Variants in LRP5 observed in about 807,000 individuals in gnomAD.
LRP5 encodes the protein LDL receptor related protein 5, also known as low-density lipoprotein receptor-related protein 5.
Under a neutral mutation model 154.1 loss-of-function variants are expected in LRP5, and 62 were observed. The ratio of observed to expected loss-of-function variants is 0.40; its 90% confidence interval spans 0.33 to 0.50. The LOEUF is 0.50. LRP5 is among the 20% of genes least tolerant of loss of function. The pLI, the probability that LRP5 is intolerant of heterozygous loss-of-function variation, is 0.55. For synonymous variants in LRP5, 966 were observed against 1,011.5 expected (o/e 0.96, Z 0.85); for missense variants, 1,915 against 2,336.7 (o/e 0.82, Z 3.72).
At chr11:68,312,425 G>A (rs1195837952), upstream of LRP5, among the ~76,000 whole-genome samples, 1 of 150,110 alleles carries the variant, frequency 6.7e-6, no homozygotes, top group Non-Finnish European at 1.5e-5. Flanking sequence ...CGGGGAGCGC[G>A]GGGAGGGGCC....
intron 15 of LRP5, among the ~76,000 whole-genome samples, chr11:68,425,525 C>G (rs1185523307): frequency 6.6e-6 from 1 of 152,226 alleles, no homozygotes; most frequent in Non-Finnish European, 1.5e-5. Flanking sequence ...CTTGGGGCCC[C>G]ACAGCAGGAG....
chr11:68,437,448 A>G (rs1163932610), intron 19 of LRP5, among the ~76,000 whole-genome samples: 4 of 152,250 alleles, frequency 2.6e-5, no homozygotes, highest in Non-Finnish European at 4.4e-5. Context: ...CATGACCTGT[A>G]CAGTCACGGA....
At chr11:68,444,770 G>A (rs2098680534) in intron 21 of LRP5, among the ~76,000 whole-genome samples, 2 of 152,100 alleles carry the variant, frequency 1.3e-5, no homozygotes, top group Non-Finnish European at 2.9e-5. Context: ...CATGGGAAGA[G>A]GTGGAAACAG....
Position 68,415,682 on chromosome 11 carries a change from T to C in LRP5, c.2828-646T>C, listed in dbSNP as rs1399974927. Among the ~76,000 whole-genome samples the C allele has an allele frequency of 2.6e-3, 180 of 69,254 alleles. 3 individuals are homozygous for C. Among genetic ancestry groups the C allele is most frequent in the Middle Eastern group, 0.013 (2 of 150 alleles). The allele number at this position is 69,254 out of a possible 152,430, so 45.4% of individuals were successfully genotyped here. A position where few individuals can be genotyped will look rare whatever the true frequency, so the allele number is the denominator to read the frequency against. The stretch of plus-strand genomic sequence containing the variant: ...ATCGCTTGAACTTGGGAGGTGGAAG[T>C]TTCAAGTGAGCTCATTTTGTGCCAC... On this transcript the variant is annotated intron_variant, in intron 12 of 22. Transcript: ENST00000294304.
Position 68,425,296 on chromosome 11 carries a change from C to T in LRP5, c.3427+4C>T, listed in dbSNP as rs545988124. On this transcript the variant is annotated splice_donor_region_variant and intron_variant, in intron 15 of 22. Transcript: ENST00000294304. ...ATTGAGAGCTGTGACCTGTCAGGTA[C>T]GCGCCCCGGGGCCTGCCCTAACCGC... is the stretch of plus-strand genomic sequence containing the variant. The T allele has an allele frequency of 3.7e-6, 6 of 1,603,426 alleles. No individual in the cohort carries two copies. Among genetic ancestry groups the T allele is most frequent in the African/African-American group, 1.3e-5 (1 of 74,978 alleles).
intron 21 of LRP5, among the ~76,000 whole-genome samples, chr11:68,443,572 TATATA>T (rs1257411754): frequency 5.0e-4 from 22 of 44,348 alleles, no homozygotes; most frequent in African/African-American, 1.9e-3. Flanking sequence ...TATATATATA[TATATA>T]TATATATATT....
At chr11:68,404,899 A>G (rs2098654658) in intron 8 of LRP5, among the ~76,000 whole-genome samples, 1 of 150,390 alleles carries the variant, frequency 6.6e-6, no homozygotes, top group South Asian at 2.1e-4. Context: ...GAACCCGGGA[A>G]GCGGAGCTTG....
chr11:68,423,490 C>T lies in LRP5; in HGVS notation c.3029C>T (p.Pro1010Leu). ...AGTCTTGGTTTCTTTGTCTTACAGC[C>T]CTTTGTTTTGACCTCTCTGAGCCAA... ...IKRAKDDGTQ[P>L]FVLTSLSQGQ... The change falls in exon 14 of 23, where the codon CCC (proline) becomes CTC (leucine). Residue 1010 changes from proline (P) to leucine (L), a missense_variant and splice_region_variant. Physicochemically the swap from Pro to Leu is moderately conservative, Grantham distance 98. This residue lies in a region of LRP5 where 1,094 missense variants were observed against 1,210.1 expected (regional missense o/e 0.90). Coordinates refer to ENST00000294304, the MANE Select transcript of LRP5 (RefSeq NM_002335.4). The surrounding 1 kb of genome is among the most constrained non-coding windows in gnomAD (Gnocchi z 4.7). 1 of 1,614,018 alleles carries T rather than the reference C, an allele frequency of 6.2e-7. No homozygotes were observed. The highest frequency in any genetic ancestry group is 2.2e-5 in the East Asian group (1 of 44,880).
chr11:68,333,100 A>G (rs1311748725), intron 1 of LRP5, among the ~76,000 whole-genome samples: 1 of 152,204 alleles, frequency 6.6e-6, no homozygotes, highest in African/African-American at 2.4e-5. Flanking sequence ...AATTGCGGTC[A>G]TCGTAGCTGC....
At position 68,444,466 on chromosome 11, in the gene LRP5, G is replaced by A. The variant is rs561301879; in HGVS notation, c.4489-1970G>A. 5.3e-5 allele frequency among the ~76,000 whole-genome samples: 8 copies of A among 152,132 alleles called. No individual in the cohort carries two copies. In the South Asian group the frequency reaches 1.2e-3, roughly 24 times the overall value. The stretch of plus-strand genomic sequence containing the variant: ...TGGGAGGCAGAGGTTGTAGTGAGCC[G>A]AGATCATGCCATTGTACTCCAGCCT... On this transcript the variant is annotated intron_variant, in intron 21 of 22. Transcript: ENST00000294304.
At chr11:68,419,357 C>T (rs2153170851) in intron 13 of LRP5, among the ~76,000 whole-genome samples, 1 of 149,422 alleles carries the variant, frequency 6.7e-6, no homozygotes. Context: ...CTCAGCCTCT[C>T]TAGTAGCCGG....
At chr11:68,409,475 T>G (rs1316073195) in intron 9 of LRP5, among the ~76,000 whole-genome samples, 3 of 151,612 alleles carry the variant, frequency 2.0e-5, no homozygotes, top group Non-Finnish European at 4.4e-5. Flanking sequence ...TTTAAAAACT[T>G]GAATGCTGGT....
chr11:68,410,147 G>A lies in LRP5; in HGVS notation c.2318+7G>A, dbSNP rs764057651. 20 of 1,611,822 alleles carry A rather than the reference G, an allele frequency of 1.2e-5. No homozygotes were observed. Among genetic ancestry groups the A allele is most frequent in the South Asian group, 6.6e-5 (6 of 91,010 alleles). On this transcript the variant is annotated splice_region_variant and intron_variant, in intron 10 of 22. Transcript: ENST00000294304. ...CCCTGGATCCCACCAAGGGGTAAGT[G>A]TTTGCCTGTCCCGTGCGTCCTTGTG... is the stretch of plus-strand genomic sequence containing the variant.
chr11:68,367,628 C>T (rs928001559), intron 5 of LRP5, among the ~76,000 whole-genome samples: 3 of 152,164 alleles, frequency 2.0e-5, no homozygotes, highest in Admixed American at 6.5e-5. Context: ...CTGGACCCTG[C>T]GCTCTGCAGT....
At chr11:68,313,390 G>A (rs193251225) in intron 1 of LRP5, among the ~76,000 whole-genome samples, 2 of 152,170 alleles carry the variant, frequency 1.3e-5, no homozygotes, top group South Asian at 4.1e-4. Flanking sequence ...CGAATGCCCC[G>A]TGTGGCCGCC....
At chr11:68,377,431 A>G (rs1422349359) in intron 5 of LRP5, among the ~76,000 whole-genome samples, 2 of 152,120 alleles carry the variant, frequency 1.3e-5, no homozygotes, top group Non-Finnish European at 2.9e-5. Flanking sequence ...CGTGCAGGTG[A>G]CAGTGGCCGG....
At chr11:68,433,500 C>T (rs573492263) in intron 17 of LRP5, 102 bp from the exon 18 acceptor site, 128 of 1,042,268 alleles carry the variant, frequency 1.2e-4, no homozygotes, top group East Asian at 1.1e-3. Context: ...GCCAAACCCG[C>T]GCTGAGTCCC....
rs766214195 is a variant in LRP5 at position 68,426,039 on chromosome 11, T to C, written c.3489T>C (p.Leu1163=). 7 of 1,613,562 alleles carry C rather than the reference T, an allele frequency of 4.3e-6. No homozygotes were observed. The South Asian group carries it at 5.5e-5, about 13-fold the overall frequency. Residue 1163 remains leucine (L), a synonymous_variant, in exon 16 of 23, where the codon CTT becomes CTC. Coordinates refer to ENST00000294304, the MANE Select transcript of LRP5 (RefSeq NM_002335.4). ...TGCAGCCTCTGGGCCTGACCATCCT[T>C]GGCAAGCATCTCTACTGGATCGACC... is the stretch of plus-strand genomic sequence containing the variant. The part of the protein sequence containing the change: ...NIVQPLGLTI[L]GKHLYWIDRQ...
intron 1 of LRP5, among the ~76,000 whole-genome samples, chr11:68,330,398 C>T (rs1211225695): frequency 3.9e-5 from 6 of 152,260 alleles, no homozygotes; most frequent in Non-Finnish European, 8.8e-5. Flanking sequence ...CAGCTCCACT[C>T]AACAGTGGAC....
Sources: allele counts gnomAD v4.1 joint callset (sites outside exome capture counted in the v4.1 genomes callset), GRCh38; gene constraint gnomAD v4.1.1; regional missense constraint gnomAD v4.1.1; non-coding constraint Gnocchi (gnomAD v3.1); transcripts MANE v1.5; gene names NCBI Gene and HGNC (gene_info 2026-07-23, HGNC 2026-07-21).